The following FOXN3 variants were observed in gnomAD, a reference collection of about 807,000 sequenced individuals.
FOXN3 encodes the protein forkhead box N3, also known as forkhead box protein N3.
A neutral mutation model predicts 38.4 loss-of-function variants in FOXN3; 7 were observed. That is an observed-to-expected ratio of 0.18 (90% CI 0.10 to 0.34). The LOEUF is 0.34. FOXN3 is among the 10% of genes least tolerant of loss of function. FOXN3 has a pLI of 1.00. For missense variants in FOXN3, 456 were observed against 613.4 expected (o/e 0.74, Z 2.71); for synonymous variants, 230 against 242.2 (o/e 0.95, Z 0.47).
At chr14:89,214,022 A>G (rs1310765097) in intron 4 of FOXN3, among the ~76,000 whole-genome samples, 1 of 152,234 alleles carries the variant, frequency 6.6e-6, no homozygotes, top group Non-Finnish European at 1.5e-5. Flanking sequence ...GGCAATATGC[A>G]AACAAAAAAA....
chr14:89,556,763 G>A (rs1345360480), intron 1 of FOXN3, among the ~76,000 whole-genome samples: 3 of 152,172 alleles, frequency 2.0e-5, no homozygotes, highest in Non-Finnish European at 2.9e-5. Flanking sequence ...TTCCCAAGCC[G>A]TCTCTGGCCT....
chr14:89,415,093 T>C (rs972081293), intron 1 of FOXN3, among the ~76,000 whole-genome samples: 3 of 152,226 alleles, frequency 2.0e-5, no homozygotes, highest in African/African-American at 7.2e-5. Context: ...CTTGTCTTTC[T>C]TAAAGTTTCC....
chr14:89,478,930 T>TAAAAAAAAA (rs1893267545), intron 1 of FOXN3, among the ~76,000 whole-genome samples: 3 of 1,796 alleles, frequency 1.7e-3, no homozygotes, highest in Non-Finnish European at 6.5e-3. Flanking sequence ...AGACTCCATC[T>TAAAAAAAAA]CAAAAAAAAA....
intron 1 of FOXN3, among the ~76,000 whole-genome samples, chr14:89,513,172 AAAAG>A (rs1277210055): frequency 4.8e-5 from 7 of 147,058 alleles, no homozygotes; most frequent in African/African-American, 1.5e-4. Flanking sequence ...AAAAAAAAGA[AAAAG>A]AAAGAAAGAA....
At chr14:89,465,229 T>C (rs1179863299) in intron 1 of FOXN3, among the ~76,000 whole-genome samples, 1 of 152,040 alleles carries the variant, frequency 6.6e-6, no homozygotes, top group Non-Finnish European at 1.5e-5. Flanking sequence ...CTTTGTTTTT[T>C]TTTGTTTTGT....
At chr14:89,204,095 ACACAC>A (rs1278027031) in intron 4 of FOXN3, among the ~76,000 whole-genome samples, 1 of 141,828 alleles carries the variant, frequency 7.1e-6, no homozygotes, top group South Asian at 2.2e-4. Flanking sequence ...ACACACACAC[ACACAC>A]ACAACTACTA....
At chr14:89,360,744 ACCTCCACCACCACCT>A (rs1369368539) in intron 2 of FOXN3, among the ~76,000 whole-genome samples, 1 of 118,598 alleles carries the variant, frequency 8.4e-6, no homozygotes, top group Non-Finnish European at 1.7e-5. Flanking sequence ...CTCCAGCACC[ACCTCCACCACCACCT>A]CCACCACTAC....
At chr14:89,476,295 T>C (rs1893207672) in intron 1 of FOXN3, among the ~76,000 whole-genome samples, 1 of 152,154 alleles carries the variant, frequency 6.6e-6, no homozygotes, top group Non-Finnish European at 1.5e-5. Context: ...ATCTATCATA[T>C]TGACTGGGCC....
intron 4 of FOXN3, among the ~76,000 whole-genome samples, chr14:89,233,273 T>C (rs1453646727): frequency 2.0e-5 from 3 of 152,166 alleles, no homozygotes; most frequent in African/African-American, 7.2e-5. Context: ...TGAAATAACA[T>C]TAGTTGCTCT....
chr14:89,448,063 C>T lies in FOXN3; in HGVS notation c.-14-35573G>A, dbSNP rs538945795. ...TCCTGACCTCGTGATCCGCCCGCCTCGGCCTCCCAAAGTGCTGGGATTACA... is the reference window on the plus strand; with the variant it reads ...TCCTGACCTCGTGATCCGCCCGCCTTGGCCTCCCAAAGTGCTGGGATTACA... On this transcript the variant is annotated intron_variant, in intron 1 of 6. Transcript: ENST00000345097. 1.7e-3 allele frequency among the ~76,000 whole-genome samples: 254 copies of T among 152,028 alleles called. 2 individuals carry two copies. The highest frequency in any genetic ancestry group is 0.012 in the South Asian group (59 of 4,790).
chr14:89,580,217 TCCA>T (rs898033288), intron 1 of FOXN3, among the ~76,000 whole-genome samples: 47 of 152,318 alleles, frequency 3.1e-4, no homozygotes, highest in African/African-American at 1.1e-3. Flanking sequence ...ATTCGGCTCT[TCCA>T]CCACAATTAC....
chr14:89,485,327 C>T (rs1893425807), intron 1 of FOXN3, among the ~76,000 whole-genome samples: 1 of 152,116 alleles, frequency 6.6e-6, no homozygotes, highest in East Asian at 1.9e-4. Context: ...TTGAGACCCT[C>T]CCTGAATTCT....
intron 3 of FOXN3, among the ~76,000 whole-genome samples, chr14:89,312,800 C>G (rs1887597829): frequency 6.6e-6 from 1 of 152,118 alleles, no homozygotes; most frequent in Admixed American, 6.5e-5. Context: ...TAGCACCAGG[C>G]CTAAAGACAG....
At chr14:89,603,782 A>C (rs961021395) in intron 1 of FOXN3, among the ~76,000 whole-genome samples, 6 of 152,220 alleles carry the variant, frequency 3.9e-5, no homozygotes, top group Admixed American at 3.3e-4. Flanking sequence ...CCTTGAAGGC[A>C]TTTAACAAAC....
chr14:89,391,807 C>A (rs1376310621), intron 2 of FOXN3, among the ~76,000 whole-genome samples: 1 of 152,138 alleles, frequency 6.6e-6, no homozygotes, highest in Non-Finnish European at 1.5e-5. Flanking sequence ...GATTTCAAGA[C>A]CAACCTGGGC....
chr14:89,503,746 G>A (rs536316539), intron 1 of FOXN3, among the ~76,000 whole-genome samples: 11 of 152,234 alleles, frequency 7.2e-5, no homozygotes, highest in Admixed American at 5.2e-4. Context: ...TGACAACCCC[G>A]CAGCTCTGTT....
chr14:89,249,693 G>A (rs1208783594), intron 4 of FOXN3, among the ~76,000 whole-genome samples: 1 of 152,186 alleles, frequency 6.6e-6, no homozygotes, highest in Non-Finnish European at 1.5e-5. Flanking sequence ...TCGGGAGAAA[G>A]AAACACAAAT....
intron 4 of FOXN3, among the ~76,000 whole-genome samples, chr14:89,220,728 G>A (rs1026527827): frequency 6.6e-6 from 1 of 152,128 alleles, no homozygotes; most frequent in African/African-American, 2.4e-5. Flanking sequence ...AGGCAACTGA[G>A]CATCAGTACT....
At chr14:89,384,676 G>C (rs1336243731) in intron 2 of FOXN3, among the ~76,000 whole-genome samples, 1 of 152,124 alleles carries the variant, frequency 6.6e-6, no homozygotes, top group African/African-American at 2.4e-5. Context: ...GCAATACAGA[G>C]ATGCAGAGAT....
Sources: gnomAD v4.1 joint callset for allele counts (sites outside exome capture counted in the v4.1 genomes callset) on GRCh38, gnomAD v4.1.1 for gene constraint, MANE v1.5 for transcripts, NCBI Gene and HGNC (gene_info 2026-07-23, HGNC 2026-07-21) for gene names.